The following PCDHGB1 variants were observed in gnomAD, a reference collection of about 807,000 sequenced individuals.
PCDHGB1 encodes protocadherin gamma subfamily B, 1.
In PCDHGB1, 34 loss-of-function variants were observed where a neutral mutation model predicts 56.6. The ratio of observed to expected loss-of-function variants is 0.60; its 90% confidence interval spans 0.46 to 0.80. The LOEUF (loss-of-function observed/expected upper bound fraction) is 0.80, where lower values mean the gene tolerates loss of function less well. Ranked by LOEUF, PCDHGB1 falls within the 30% of genes least tolerant of loss-of-function variation. The pLI, the probability that PCDHGB1 is intolerant of heterozygous loss-of-function variation, is 0.00. For missense variants in PCDHGB1, 1,278 were observed against 1,204.6 expected, an observed-to-expected ratio of 1.06 and a Z score of -0.90; for synonymous variants, 561 against 505.9, an observed-to-expected ratio of 1.11 and a Z score of -1.46.
At chr5:141,499,423 GA>G (rs1229901490) in intron 2 of PCDHGB1, among the ~76,000 whole-genome samples, 3 of 151,756 alleles carry the variant, frequency 2.0e-5, no homozygotes, top group Non-Finnish European at 2.9e-5. Flanking sequence ...ATGAAAAATA[GA>G]AAAAAAATTA....
rs1024686607 is a variant in PCDHGB1, at chr5:141,487,597, T to C, written c.2410-7210T>C. 6.2e-7 allele frequency: 1 copy of C among 1,614,178 alleles called. No homozygotes were observed. The highest frequency in any genetic ancestry group is 8.5e-7 in the Non-Finnish European group (1 of 1,180,040). ...TTCGCCCAAGCTGCCCACCCTCTGA[T>C]CTTCTCTATGGGCTAGAGGTGAGAC... On this transcript the variant is annotated intron_variant, in intron 1 of 3. Coordinates refer to ENST00000523390, the MANE Select transcript of PCDHGB1 (RefSeq NM_018922.3). The surrounding 1 kb of genome is among the most constrained non-coding windows in gnomAD (Gnocchi z 5.0).
intron 1 of PCDHGB1, chr5:141,400,510 T>C: frequency 6.2e-7 from 1 of 1,613,972 alleles, no homozygotes; most frequent in Non-Finnish European, 8.5e-7. Context: ...CGAGTCGACT[T>C]CCCATCCTGA....
Position 141,485,605 on chromosome 5 carries a change from G to A in PCDHGB1, c.2410-9202G>A. On this transcript the variant is annotated intron_variant, in intron 1 of 3. Transcript: ENST00000523390. This position sits in a 1 kb window ranked among gnomAD's most constrained non-coding sequence, Gnocchi z 5.7. The stretch of plus-strand genomic sequence containing the variant: ...AGCAGCTGGACTTGGAAATTGGGGA[G>A]GCAGCTCCTCCAGGACAGCGTTTCC... 6.2e-7 allele frequency: 1 copy of A among 1,612,448 alleles called. No homozygotes were observed. Among genetic ancestry groups the A allele is most frequent in the Non-Finnish European group, 8.5e-7 (1 of 1,178,750 alleles).
chr5:141,382,871 G>T (rs764156663), intron 1 of PCDHGB1: 3 of 1,520,506 alleles, frequency 2.0e-6, no homozygotes, highest in East Asian at 2.3e-5. Flanking sequence ...TCCCGAGATC[G>T]GCGCCTAAGC....
chr5:141,424,655 TTTAA>T (rs1162406206), intron 1 of PCDHGB1: 3 of 152,238 alleles, frequency 2.0e-5, no homozygotes, highest in Non-Finnish European at 4.4e-5. Flanking sequence ...GTATTTGGAC[TTTAA>T]TTAAACTGAT....
chr5:141,490,423 T>C lies in PCDHGB1; in HGVS notation c.2410-4384T>C. ...CCTTGATATCTCTCCGGACCTGCCATTTCAGATTAAGCCTTCTGAGAACCA... is the reference window on the plus strand; with the variant it reads ...CCTTGATATCTCTCCGGACCTGCCACTTCAGATTAAGCCTTCTGAGAACCA... On this transcript the variant is annotated intron_variant, in intron 1 of 3. Coordinates refer to ENST00000523390, the MANE Select transcript of PCDHGB1 (RefSeq NM_018922.3). This position sits in a 1 kb window ranked among gnomAD's most constrained non-coding sequence, Gnocchi z 5.4. 6.2e-7 allele frequency: 1 copy of C among 1,614,172 alleles called. No individual in the cohort carries two copies. The highest frequency in any genetic ancestry group is 8.5e-7 in the Non-Finnish European group (1 of 1,180,028).
chr5:141,487,377 C>T lies in PCDHGB1; in HGVS notation c.2410-7430C>T, dbSNP rs758216933. Reference sequence around the variant, plus strand: ...CCTGCTGGCACCTGTGCCTGTCTCACCAGATCTCGAAGGAGGGAGGGGCTT... The same window carrying T: ...CCTGCTGGCACCTGTGCCTGTCTCATCAGATCTCGAAGGAGGGAGGGGCTT... On this transcript the variant is annotated intron_variant, in intron 1 of 3. Transcript: ENST00000523390. The surrounding 1 kb of genome is among the most constrained non-coding windows in gnomAD (Gnocchi z 5.0). 6.2e-7 allele frequency: 1 copy of T among 1,614,190 alleles called. No homozygotes were observed. Among genetic ancestry groups the T allele is most frequent in the Non-Finnish European group, 8.5e-7 (1 of 1,180,034 alleles).
At chr5:141,379,301 T>C (rs1454001720) in intron 1 of PCDHGB1, 1 of 152,244 alleles carries the variant, frequency 6.6e-6, no homozygotes, top group East Asian at 1.9e-4. Context: ...CAAAGGTATA[T>C]ACCTAAACAA....
intron 1 of PCDHGB1, chr5:141,408,804 A>G (rs577658697): frequency 1.9e-6 from 3 of 1,613,264 alleles, no homozygotes; most frequent in African/African-American, 2.7e-5. Context: ...AAACTCCTAG[A>G]CCGGGAAGAA....
intron 1 of PCDHGB1, chr5:141,355,962 C>A: frequency 6.2e-7 from 1 of 1,613,898 alleles, no homozygotes; most frequent in Non-Finnish European, 8.5e-7. Context: ...TTCGTGAGAA[C>A]GTTCCTGTAG....
At chr5:141,453,482 A>T (rs979979155) in intron 1 of PCDHGB1, among the ~76,000 whole-genome samples, 1 of 151,990 alleles carries the variant, frequency 6.6e-6, no homozygotes, top group Non-Finnish European at 1.5e-5. Context: ...CAAAACTATT[A>T]AAAAAAGGTG....
At chr5:141,442,129 G>T in intron 1 of PCDHGB1, 1 of 165,104 alleles carries the variant, frequency 6.1e-6, no homozygotes, top group Non-Finnish European at 1.3e-5. Flanking sequence ...CCGACAGCCT[G>T]CAGGAGACTC....
intron 1 of PCDHGB1, chr5:141,370,668 C>CGA (rs1767111229): frequency 5.0e-6 from 8 of 1,613,644 alleles, no homozygotes; most frequent in Non-Finnish European, 5.9e-6. Context: ...CCGTATAGAC[C>CGA]GAGAGGAGAT....
intron 1 of PCDHGB1, among the ~76,000 whole-genome samples, chr5:141,469,232 A>AC (rs1350524557): frequency 2.0e-5 from 3 of 151,722 alleles, no homozygotes; most frequent in Non-Finnish European, 4.4e-5. Flanking sequence ...AGCCATGATC[A>AC]CCCCACTGCA....
At position 141,491,623 on chromosome 5, in the gene PCDHGB1, G is replaced by A. The variant is rs767724749; in HGVS notation, c.2410-3184G>A. The A allele has an allele frequency of 3.7e-6, 6 of 1,613,812 alleles. No homozygotes were observed. The highest frequency in any genetic ancestry group is 2.7e-5 in the African/African-American group (2 of 74,938). On this transcript the variant is annotated intron_variant, in intron 1 of 3. Transcript: ENST00000523390. This position sits in a 1 kb window ranked among gnomAD's most constrained non-coding sequence, Gnocchi z 6.9. ...CTTCACTTTTCTAAGACCCCTCAGC[G>A]TTCAGCAGCCCACAGCTCTGGCGCT...
chr5:141,417,632 C>T (rs1395400349), intron 1 of PCDHGB1: 3 of 714,288 alleles, frequency 4.2e-6, no homozygotes, highest in Non-Finnish European at 6.5e-6. Context: ...GCGCTGACGC[C>T]GGGGATCCCT....
intron 1 of PCDHGB1, chr5:141,441,746 C>T: frequency 2.7e-6 from 1 of 371,314 alleles, no homozygotes; most frequent in East Asian, 9.8e-5. Flanking sequence ...TCGCGCTCGG[C>T]GTCAACGTGA....
chr5:141,394,302 C>T (rs1380425662), intron 1 of PCDHGB1: 1 of 1,614,010 alleles, frequency 6.2e-7, no homozygotes, highest in Non-Finnish European at 8.5e-7. Flanking sequence ...GGACACGCTG[C>T]AGGGGGCGCC....
intron 1 of PCDHGB1, chr5:141,361,728 A>G (rs1318637710): frequency 5.0e-6 from 8 of 1,613,246 alleles, no homozygotes; most frequent in Non-Finnish European, 5.9e-6. Context: ...TCGAGCTCAC[A>G]CTGCAGGCCC....
Sources: allele counts gnomAD v4.1 joint callset (sites outside exome capture counted in the v4.1 genomes callset), GRCh38; gene constraint gnomAD v4.1.1; non-coding constraint Gnocchi (gnomAD v3.1); transcripts MANE v1.5; gene names NCBI Gene and HGNC (gene_info 2026-07-23, HGNC 2026-07-21).